TNFAIP1: variants seen among roughly 807,000 people sequenced by gnomAD.
TNFAIP1 encodes TNF alpha induced protein 1.
Under a neutral mutation model 32.6 loss-of-function variants are expected in TNFAIP1, and 20 were observed. The ratio of observed to expected loss-of-function variants is 0.61; its 90% confidence interval spans 0.43 to 0.89. TNFAIP1 has a LOEUF of 0.89. Among genes scored for constraint, TNFAIP1 ranks in the 40% least tolerant of loss-of-function variants. The pLI is 0.00. For synonymous variants in TNFAIP1, 166 were observed against 166.8 expected, an observed-to-expected ratio of 1.00 and a Z score of 0.04; for missense variants, 319 against 425.1, an observed-to-expected ratio of 0.75 and a Z score of 2.20.
chr17:28,342,445 G>GT lies in TNFAIP1; in HGVS notation c.714+4dup. Reference sequence around the variant, plus strand: ...CCACGGAGAAGAAGCAGACCAAGGTGTGGGGGATTGCCCCTGCCTGGGTAG... The same window carrying GT: ...CCACGGAGAAGAAGCAGACCAAGGTGTTGGGGGATTGCCCCTGCCTGGGTAG... On this transcript the variant is annotated splice_donor_region_variant and intron_variant, in intron 6 of 6. Coordinates refer to ENST00000226225, the MANE Select transcript of TNFAIP1 (RefSeq NM_021137.5). This position sits in a 1 kb window ranked among gnomAD's most constrained non-coding sequence, Gnocchi z 4.0. The GT allele has an allele frequency of 2.5e-6, 4 of 1,577,750 alleles. No homozygotes were observed. Among genetic ancestry groups the GT allele is most frequent in the Non-Finnish European group, 3.5e-6 (4 of 1,150,418 alleles).
Position 28,345,669 on chromosome 17 carries a change from G to C in TNFAIP1, c.*1069G>C, listed in dbSNP as rs1462621294. On this transcript the variant is annotated 3_prime_UTR_variant, in exon 7 of 7. Transcript: ENST00000226225. ...GCAAACTCCCAGCAGCCCCTACAGA[G>C]GTGGCACATGCTTGGCCACACATCT... is the stretch of plus-strand genomic sequence containing the variant. 3.9e-5 allele frequency: 6 copies of C among 152,280 alleles called. No individual in the cohort carries two copies. Among genetic ancestry groups the C allele is most frequent in the African/African-American group, 1.4e-4 (6 of 41,462 alleles). The allele number at this position is 152,280 out of a possible 1,614,324, so 9.4% of individuals were successfully genotyped here.
Position 28,340,468 on chromosome 17 carries a change from G to A in TNFAIP1, c.365G>A (p.Ser122Asn). ...LIQGLVNMCQ[S>N]ALQDKKDSYQ... ...CAGGGGCTGGTGAATATGTGCCAGA[G>A]TGCCCTGCAGGTACATGGGTGGGGC... The change falls in exon 3 of 7, where the codon AGT becomes AAT. Residue 122 changes from serine (S) to asparagine (N), a missense_variant. Ser to Asn is a conservative substitution (Grantham distance 46). Coordinates refer to ENST00000226225, the MANE Select transcript of TNFAIP1 (RefSeq NM_021137.5). The surrounding 1 kb of genome is among the most constrained non-coding windows in gnomAD (Gnocchi z 4.1). 2 of 1,613,906 alleles carry A rather than the reference G, an allele frequency of 1.2e-6. No homozygotes were observed. The highest frequency in any genetic ancestry group is 2.2e-5 in the South Asian group (2 of 91,070).
intron 6 of TNFAIP1, among the ~76,000 whole-genome samples, chr17:28,343,630 G>C (rs547043408): frequency 6.6e-6 from 1 of 152,122 alleles, no homozygotes; most frequent in Admixed American, 6.5e-5. Flanking sequence ...TGCTGCGACG[G>C]AAGTGGCAGC....
rs1907328963 is a variant in TNFAIP1, at chr17:28,340,538, G to T, written c.375+60G>T. ...AGGTCAGGAGTTGCCCCCTTCTTGT[G>T]GGATGGAGGACTCTGGTTCCTGGCA... On this transcript the variant is annotated intron_variant, in intron 3 of 6. Coordinates refer to ENST00000226225, the MANE Select transcript of TNFAIP1 (RefSeq NM_021137.5). This position sits in a 1 kb window ranked among gnomAD's most constrained non-coding sequence, Gnocchi z 4.1. 5.7e-6 allele frequency: 9 copies of T among 1,580,484 alleles called. 1 individual carries two copies. The South Asian group carries it at 1.0e-4, about 18-fold the overall frequency.
In TNFAIP1 at chr17:28,345,545, G is replaced by C. The variant is rs1286239300; in HGVS notation, c.*945G>C. The C allele has an allele frequency of 6.6e-6, 1 of 152,304 alleles. No homozygotes were observed. The highest frequency in any genetic ancestry group is 1.5e-5 in the Non-Finnish European group (1 of 68,070). The allele number at this position is 152,304 out of a possible 1,614,324, so 9.4% of individuals were successfully genotyped here. On this transcript the variant is annotated 3_prime_UTR_variant, in exon 7 of 7. Transcript: ENST00000226225. ...TGTCCTCACATACGGTAAAGCCAAA[G>C]AGCTGTCACATGGGCCAGAAACATG...
intron 6 of TNFAIP1, among the ~76,000 whole-genome samples, chr17:28,343,774 A>G (rs959551498): frequency 6.6e-5 from 10 of 151,962 alleles, no homozygotes; most frequent in African/African-American, 2.4e-4. Flanking sequence ...AGTCCAACAG[A>G]GCAGGTCTGG....
In TNFAIP1 at chr17:28,339,400, A is replaced by C. The variant is rs1907280935; in HGVS notation, c.-114-8A>C. Reference sequence around the variant, plus strand: ...GTTCGTGTCTTCTCTTCCCTCTCCCATGTACAGCACTGAGATTATGAGGCT... The same window carrying C: ...GTTCGTGTCTTCTCTTCCCTCTCCCCTGTACAGCACTGAGATTATGAGGCT... On this transcript the variant is annotated splice_polypyrimidine_tract_variant and splice_region_variant and intron_variant, in intron 1 of 6. Transcript: ENST00000226225. 1 of 965,906 alleles carries C rather than the reference A, an allele frequency of 1.0e-6. No homozygotes were observed. The highest frequency in any genetic ancestry group is 2.7e-5 in the East Asian group (1 of 36,906). The allele number at this position is 965,906 out of a possible 1,614,324, so 59.8% of individuals were successfully genotyped here. A position where few individuals can be genotyped will look rare whatever the true frequency, so the allele number is the denominator to read the frequency against.
Position 28,342,555 on chromosome 17 carries a change from TC to T in TNFAIP1, c.714+115del. ...AAGGGGCATGGACTTGGCTCTTTTT[TC>T]CAAACACGGTAATGGTGCTGGGCAA... On this transcript the variant is annotated intron_variant, in intron 6 of 6. Coordinates refer to ENST00000226225, the MANE Select transcript of TNFAIP1 (RefSeq NM_021137.5). The surrounding 1 kb of genome is among the most constrained non-coding windows in gnomAD (Gnocchi z 4.0). 1.8e-6 allele frequency: 2 copies of T among 1,084,408 alleles called. No individual in the cohort carries two copies. Among genetic ancestry groups the T allele is most frequent in the South Asian group, 1.9e-5 (1 of 51,370 alleles). 67.2% of individuals were successfully genotyped at this position (1,084,408 alleles called of 1,614,324 possible).
rs782230323 is a variant in TNFAIP1 at position 28,340,493 on chromosome 17, C to A, written c.375+15C>A. On this transcript the variant is annotated intron_variant, in intron 3 of 6. Coordinates refer to ENST00000226225, the MANE Select transcript of TNFAIP1 (RefSeq NM_021137.5). This position sits in a 1 kb window ranked among gnomAD's most constrained non-coding sequence, Gnocchi z 4.1. The stretch of plus-strand genomic sequence containing the variant: ...GTGCCCTGCAGGTACATGGGTGGGG[C>A]GGAGCAGGGCGGGCAGATGAGGTCA... 2.5e-6 allele frequency: 4 copies of A among 1,597,620 alleles called. No homozygotes were observed. Among genetic ancestry groups the A allele is most frequent in the Non-Finnish European group, 3.4e-6 (4 of 1,168,878 alleles).
Position 28,342,128 on chromosome 17 carries a change from G to C in TNFAIP1, c.519-119G>C, listed in dbSNP as rs1253596488. 3 of 918,260 alleles carry C rather than the reference G, an allele frequency of 3.3e-6. No homozygotes were observed. Among genetic ancestry groups the C allele is most frequent in the Non-Finnish European group, 4.7e-6 (3 of 638,742 alleles). The allele number at this position is 918,260 out of a possible 1,614,324, so 56.9% of individuals were successfully genotyped here. A position where few individuals can be genotyped will look rare whatever the true frequency, so the allele number is the denominator to read the frequency against. On this transcript the variant is annotated intron_variant, in intron 5 of 6. Transcript: ENST00000226225. This position sits in a 1 kb window ranked among gnomAD's most constrained non-coding sequence, Gnocchi z 4.0. ...TTCTCTCCTGGCCCCCTGGCATCTTGCTTTCATTTCGGCAGGACAGGATGG... is the reference window on the plus strand; with the variant it reads ...TTCTCTCCTGGCCCCCTGGCATCTTCCTTTCATTTCGGCAGGACAGGATGG...
At chr17:28,338,478 C>G (rs1258870328) in intron 1 of TNFAIP1, among the ~76,000 whole-genome samples, 3 of 120,442 alleles carry the variant, frequency 2.5e-5, no homozygotes, top group Non-Finnish European at 5.2e-5. Context: ...GGTCAGGAAG[C>G]CCCAGCCGAA....
intron 6 of TNFAIP1, among the ~76,000 whole-genome samples, chr17:28,343,038 C>T (rs1174255767): frequency 6.6e-6 from 1 of 152,022 alleles, no homozygotes; most frequent in Non-Finnish European, 1.5e-5. Flanking sequence ...AGCCAGGCAT[C>T]GTGGCACATG....
chr17:28,344,460 A>T lies in TNFAIP1; in HGVS notation c.811A>T (p.Ser271Cys), dbSNP rs782103918. The change falls in exon 7 of 7, where the codon AGC (serine) becomes TGC (cysteine). Residue 271 changes from serine to cysteine, a missense_variant. By Grantham distance (112) the Ser-to-Cys change is moderately radical. Coordinates refer to ENST00000226225, the MANE Select transcript of TNFAIP1 (RefSeq NM_021137.5). ...VPDNSLLEAT[S>C]RSRSQASPSE... ...CGACAACTCCTTGTTGGAGGCCACA[A>T]GCCGTAGCCGCAGCCAGGCTTCCCC... is the stretch of plus-strand genomic sequence containing the variant. 2.5e-6 allele frequency: 4 copies of T among 1,613,910 alleles called. No homozygotes were observed. Among genetic ancestry groups the T allele is most frequent in the Admixed American group, 1.7e-5 (1 of 60,006 alleles).
In TNFAIP1 at chr17:28,335,779, G is replaced by A. The variant is rs1907116100; in HGVS notation, c.-192G>A. The stretch of plus-strand genomic sequence containing the variant: ...TGAGCTCACAGCTTGGGACTGCTGA[G>A]GGGCAGGCGGCTGCAGGCTAGGGGC... On this transcript the variant is annotated 5_prime_UTR_variant, in exon 1 of 7. Coordinates refer to ENST00000226225, the MANE Select transcript of TNFAIP1 (RefSeq NM_021137.5). The A allele has an allele frequency of 6.6e-6, 1 of 152,408 alleles. No homozygotes were observed. The highest frequency in any genetic ancestry group is 2.1e-4 in the South Asian group (1 of 4,832). 9.4% of individuals were successfully genotyped at this position (152,408 alleles called of 1,614,324 possible).
chr17:28,336,511 C>T (rs1567784759), intron 1 of TNFAIP1: 1 of 152,250 alleles, frequency 6.6e-6, no homozygotes, highest in Admixed American at 6.5e-5. Context: ...CCGCCGACCT[C>T]TCTTGGCAGG....
At position 28,342,189 on chromosome 17, in the gene TNFAIP1, C is replaced by A. The variant is rs782662578; in HGVS notation, c.519-58C>A. On this transcript the variant is annotated intron_variant, in intron 5 of 6. Transcript: ENST00000226225. The surrounding 1 kb of genome is among the most constrained non-coding windows in gnomAD (Gnocchi z 4.0). ...GGAGGGGAGGGCCCCACTTGTCTAGCACCCTCCCTTGGACTGGAACCTCAC... is the reference window on the plus strand; with the variant it reads ...GGAGGGGAGGGCCCCACTTGTCTAGAACCCTCCCTTGGACTGGAACCTCAC... 72 of 1,458,434 alleles carry A rather than the reference C, an allele frequency of 4.9e-5. No individual in the cohort carries two copies. The highest frequency in any genetic ancestry group is 6.4e-5 in the Non-Finnish European group (70 of 1,085,530). 90.3% of individuals were successfully genotyped at this position (1,458,434 alleles called of 1,614,324 possible). A position where few individuals can be genotyped will look rare whatever the true frequency, so the allele number is the denominator to read the frequency against.
chr17:28,346,677 G>A lies in TNFAIP1; in HGVS notation c.*2077G>A, dbSNP rs982659988. 15 of 152,144 alleles carry A rather than the reference G, an allele frequency of 9.9e-5. No individual in the cohort carries two copies. The highest frequency in any genetic ancestry group is 3.4e-4 in the African/African-American group (14 of 41,420). 9.4% of individuals were successfully genotyped at this position (152,144 alleles called of 1,614,324 possible). A position where few individuals can be genotyped will look rare whatever the true frequency, so the allele number is the denominator to read the frequency against. ...CAGACTTTGTGACTTAAAAGTTTGG[G>A]GGTTTTCTTTGAAAGTTTCCAGCCC... On this transcript the variant is annotated 3_prime_UTR_variant, in exon 7 of 7. Transcript: ENST00000226225.
chr17:28,341,263 G>C lies in TNFAIP1; in HGVS notation c.402G>C (p.Val134=), dbSNP rs782623465. The change falls in exon 4 of 7, where the codon GTG becomes GTC. Residue 134 remains valine (V), a synonymous_variant. Coordinates refer to ENST00000226225, the MANE Select transcript of TNFAIP1 (RefSeq NM_021137.5). The part of the protein sequence containing the change: ...LQDKKDSYQP[V]CNIPIITSLK... ...ACAAGAAGGACTCCTACCAGCCTGTGTGCAACATCCCCATCATCACATCCC... is the reference window on the plus strand; with the variant it reads ...ACAAGAAGGACTCCTACCAGCCTGTCTGCAACATCCCCATCATCACATCCC... 3.1e-6 allele frequency: 5 copies of C among 1,614,074 alleles called. No individual in the cohort carries two copies. In the African/African-American group the frequency reaches 4.0e-5, roughly 13 times the overall value.
Position 28,344,899 on chromosome 17 carries a change from T to TC in TNFAIP1, c.*303dup. On this transcript the variant is annotated 3_prime_UTR_variant, in exon 7 of 7. Transcript: ENST00000226225. ...CTGACCCACCTCCTGCTGAGAACCTTCCCCTAGGCCCTGTGCAGAAGGCTA... is the reference window on the plus strand; with the variant it reads ...CTGACCCACCTCCTGCTGAGAACCTTCCCCCTAGGCCCTGTGCAGAAGGCTA... 1 of 404,064 alleles carries TC rather than the reference T, an allele frequency of 2.5e-6. No individual in the cohort carries two copies. The highest frequency in any genetic ancestry group is 2.5e-5 in the South Asian group (1 of 39,546). 25.0% of individuals were successfully genotyped at this position (404,064 alleles called of 1,614,324 possible).
Sources: gnomAD v4.1 joint callset for allele counts (sites outside exome capture counted in the v4.1 genomes callset) on GRCh38, gnomAD v4.1.1 for gene constraint, Gnocchi (gnomAD v3.1) non-coding constraint, MANE v1.5 for transcripts, NCBI Gene and HGNC (gene_info 2026-07-23, HGNC 2026-07-21) for gene names.